The following GARIN3 variants were observed in gnomAD, a reference collection of about 807,000 sequenced individuals.
The protein encoded by GARIN3 is golgi associated RAB2 interactor family member 3.
At chr5:157,163,212 G>A in the GARIN3 span, 1 of 1,614,048 alleles carries the variant, frequency 6.2e-7, no homozygotes. Context: ...CTTCCAAGGA[G>A]GTGCTTGCAG....
the GARIN3 span, chr5:157,163,560 C>T: frequency 1.9e-6 from 3 of 1,614,156 alleles, no homozygotes; most frequent in Non-Finnish European, 2.5e-6. Context: ...GTTGGATTCC[C>T]TCTCCCCCAG....
chr5:157,163,575 A>G, the GARIN3 span: 1 of 1,614,082 alleles, frequency 6.2e-7, no homozygotes, highest in Non-Finnish European at 8.5e-7. Context: ...CCCCAGCATA[A>G]GCAGAAGAGG....
At chr5:157,163,219 G>A in the GARIN3 span, 25 of 1,614,014 alleles carry the variant, frequency 1.5e-5, no homozygotes, top group South Asian at 2.2e-4. Flanking sequence ...GGAGGTGCTT[G>A]CAGCACCCAC....
the GARIN3 span, chr5:157,162,395 C>T: frequency 3.2e-6 from 5 of 1,552,548 alleles, no homozygotes; most frequent in South Asian, 1.3e-5. Flanking sequence ...CTGGGATGGG[C>T]TCCTCTAGGG....
the GARIN3 span, among the ~76,000 whole-genome samples, chr5:157,164,585 T>A: frequency 6.6e-6 from 1 of 152,166 alleles, no homozygotes; most frequent in Admixed American, 6.5e-5. Flanking sequence ...GACATTGTAT[T>A]TTACACACTT....
chr5:157,162,589 T>G, the GARIN3 span: 7 of 1,614,202 alleles, frequency 4.3e-6, no homozygotes, highest in Non-Finnish European at 5.1e-6. Context: ...AGCCACGATA[T>G]CTACCTCTCT....
the GARIN3 span, chr5:157,163,743 T>C: frequency 1.3e-6 from 2 of 1,494,128 alleles, no homozygotes; most frequent in Non-Finnish European, 1.8e-6. Flanking sequence ...ATCCTGGAGT[T>C]AATTCAAGGG....
At chr5:157,163,249 T>A in the GARIN3 span, 1 of 1,614,154 alleles carries the variant, frequency 6.2e-7, no homozygotes, top group African/African-American at 1.3e-5. Flanking sequence ...GCTAATACCC[T>A]CTGAGGATAT....
At chr5:157,164,861 A>T in the GARIN3 span, among the ~76,000 whole-genome samples, 1 of 151,914 alleles carries the variant, frequency 6.6e-6, no homozygotes, top group Non-Finnish European at 1.5e-5. Flanking sequence ...AAAAAAAAAA[A>T]TTATAAAAAT....
At chr5:157,162,647 T>G in the GARIN3 span, 10 of 1,614,164 alleles carry the variant, frequency 6.2e-6, no homozygotes, top group Admixed American at 1.5e-4. Context: ...GCCCTGAGGC[T>G]CCTTAAAAAA....
the GARIN3 span, chr5:157,166,210 G>T: frequency 6.4e-7 from 1 of 1,573,402 alleles, no homozygotes; most frequent in African/African-American, 1.4e-5. Flanking sequence ...CACAAATAGA[G>T]TCCCCGAGAG....
At chr5:157,162,849 G>A in the GARIN3 span, 2 of 1,613,988 alleles carry the variant, frequency 1.2e-6, no homozygotes, top group Non-Finnish European at 1.7e-6. Flanking sequence ...TGTTTTTATG[G>A]CCAGATGCGG....
At chr5:157,165,449 A>G in the GARIN3 span, 5 of 1,480,124 alleles carry the variant, frequency 3.4e-6, no homozygotes, top group East Asian at 2.3e-5. Flanking sequence ...GCCCTTGCAC[A>G]TGCAATACTT....
chr5:157,165,440 C>A, the GARIN3 span: 1 of 1,450,634 alleles, frequency 6.9e-7, no homozygotes, highest in Non-Finnish European at 9.2e-7. Flanking sequence ...TGGTCCTGAG[C>A]CCTTGCACAT....
At chr5:157,164,826 G>A in the GARIN3 span, among the ~76,000 whole-genome samples, 1 of 151,256 alleles carries the variant, frequency 6.6e-6, no homozygotes, top group African/African-American at 2.4e-5. Flanking sequence ...TTTAGTGGAT[G>A]ATAGTGAAAC....
the GARIN3 span, chr5:157,165,521 CAAAG>C: frequency 1.3e-6 from 2 of 1,558,362 alleles, no homozygotes; most frequent in Non-Finnish European, 1.7e-6. Flanking sequence ...ACTGCTCCCC[CAAAG>C]AACCTGCCCC....
the GARIN3 span, chr5:157,162,919 G>A: frequency 2.5e-5 from 40 of 1,614,052 alleles, no homozygotes; most frequent in Non-Finnish European, 3.4e-5. Context: ...ACTTTCACCT[G>A]CCTTGCGGTG....
the GARIN3 span, chr5:157,165,882 C>T: frequency 5.0e-6 from 8 of 1,614,030 alleles, no homozygotes; most frequent in East Asian, 4.5e-5. Flanking sequence ...ATGCTGTTCA[C>T]AGATTTTAGT....
the GARIN3 span, chr5:157,163,546 G>T: frequency 6.2e-7 from 1 of 1,614,182 alleles, no homozygotes; most frequent in Non-Finnish European, 8.5e-7. Context: ...TCCGTGGGAG[G>T]CATGTTGGAT....
Sources: allele counts gnomAD v4.1 joint callset (sites outside exome capture counted in the v4.1 genomes callset), GRCh38; gene constraint gnomAD v4.1.1; transcripts MANE v1.5; gene names NCBI Gene and HGNC (gene_info 2026-07-23, HGNC 2026-07-21).